The following RFX3 variants were observed in gnomAD, a reference collection of about 807,000 sequenced individuals.
RFX3 encodes the protein regulatory factor X3, also known as transcription factor RFX3.
A neutral mutation model predicts 98.6 loss-of-function variants in RFX3; 14 were observed. The observed-to-expected ratio is 0.14, with a 90% CI of 0.09 to 0.22. The LOEUF (loss-of-function observed/expected upper bound fraction) is 0.22. RFX3 is among the 10% of genes least tolerant of loss of function. The pLI is 1.00. For synonymous variants in RFX3, 383 were observed against 328.4 expected (o/e 1.17, Z -1.80); for missense variants, 639 against 926.9 (o/e 0.69, Z 4.03).
chr9:3,505,453 A>AATAAAATACTTTATATTT (rs1816984226), intron 1 of RFX3, among the ~76,000 whole-genome samples: 1 of 100,356 alleles, frequency 1.0e-5, no homozygotes, highest in African/African-American at 4.0e-5. Context: ...ATTTATATAA[A>AATAAAATACTTTATATTT]ATATAAAATA....
intron 1 of RFX3, among the ~76,000 whole-genome samples, chr9:3,493,517 T>C (rs1028041005): frequency 2.0e-5 from 3 of 151,650 alleles, no homozygotes; most frequent in African/African-American, 7.3e-5. Context: ...ACCCCATCTC[T>C]ACTAAAAATA....
chr9:3,440,791 A>G (rs1845545175), intron 1 of RFX3, among the ~76,000 whole-genome samples: 1 of 152,194 alleles, frequency 6.6e-6, no homozygotes, highest in African/African-American at 2.4e-5. Flanking sequence ...CCTTTGATAA[A>G]GAAAAAGTAA....
intron 15 of RFX3, among the ~76,000 whole-genome samples, chr9:3,245,812 T>C (rs1481142962): frequency 1.3e-5 from 2 of 152,174 alleles, no homozygotes; most frequent in Admixed American, 1.3e-4. Context: ...GTGATTTGTA[T>C]GGATTTCAAT....
chr9:3,326,087 T>C (rs905235894), intron 4 of RFX3, among the ~76,000 whole-genome samples: 4 of 152,056 alleles, frequency 2.6e-5, no homozygotes, highest in African/African-American at 9.7e-5. Context: ...TTTCTGAAAA[T>C]TGCTATTTAA....
At chr9:3,472,881 T>C (rs1047886722) in intron 1 of RFX3, among the ~76,000 whole-genome samples, 1 of 152,228 alleles carries the variant, frequency 6.6e-6, no homozygotes, top group South Asian at 2.1e-4. Flanking sequence ...TTTCTATTAA[T>C]GTTGCACAGC....
chr9:3,504,930 T>C (rs1399851137), intron 1 of RFX3, among the ~76,000 whole-genome samples: 1 of 69,494 alleles, frequency 1.4e-5, no homozygotes, highest in Non-Finnish European at 2.3e-5. Flanking sequence ...ACATATATTA[T>C]ATATAATATA....
rs536694127 is a variant in RFX3, at chr9:3,224,357, A to G, written c.*685T>C. On this transcript the variant is annotated 3_prime_UTR_variant, in exon 17 of 17. Transcript: ENST00000617270. Reference sequence around the variant, plus strand: ...GAAGCTTGCATTGTTAACATGGTTTAATAATTATGTACACAAATTATGTAC... The same window carrying G: ...GAAGCTTGCATTGTTAACATGGTTTGATAATTATGTACACAAATTATGTAC... The G allele has an allele frequency of 6.6e-6, 1 of 152,312 alleles. No homozygotes were observed. The highest frequency in any genetic ancestry group is 1.9e-4 in the East Asian group (1 of 5,182). The allele number at this position is 152,312 out of a possible 1,614,324, so 9.4% of individuals were successfully genotyped here.
intron 1 of RFX3, among the ~76,000 whole-genome samples, chr9:3,401,361 A>T (rs1564052276): frequency 6.6e-6 from 1 of 152,186 alleles, no homozygotes; most frequent in Non-Finnish European, 1.5e-5. Context: ...GGATCATCAC[A>T]TGAGAGCAGT....
chr9:3,368,590 G>A (rs1563997423), intron 2 of RFX3, among the ~76,000 whole-genome samples: 3 of 152,130 alleles, frequency 2.0e-5, no homozygotes. Context: ...TTCCTTAACT[G>A]ATTTTCTTTG....
intron 1 of RFX3, among the ~76,000 whole-genome samples, chr9:3,446,475 CAAG>C (rs757451458): frequency 1.4e-4 from 21 of 152,020 alleles, no homozygotes; most frequent in Admixed American, 3.3e-4. Flanking sequence ...GATGACTTGT[CAAG>C]AAGAAGAAAG....
At chr9:3,414,266 G>A (rs1464314069) in intron 1 of RFX3, among the ~76,000 whole-genome samples, 3 of 151,988 alleles carry the variant, frequency 2.0e-5, no homozygotes, top group Non-Finnish European at 4.4e-5. Context: ...AATGTTTTCT[G>A]TATTTCCAAG....
intron 13 of RFX3, 138 bp from the exon 14 acceptor site, chr9:3,257,337 A>T: frequency 4.4e-6 from 3 of 688,466 alleles, no homozygotes; most frequent in Non-Finnish European, 7.2e-6. Flanking sequence ...AAAATAAAAA[A>T]CTACTTGTCA....
intron 1 of RFX3, among the ~76,000 whole-genome samples, chr9:3,495,392 G>A (rs1350940621): frequency 6.6e-6 from 1 of 151,808 alleles, no homozygotes; most frequent in Non-Finnish European, 1.5e-5. Context: ...AAATACATCA[G>A]AATTACATAT....
rs1347596094 is a variant in RFX3, at chr9:3,248,310, C to T, written c.1815-125G>A. 12 of 1,192,200 alleles carry T rather than the reference C, an allele frequency of 1.0e-5. No individual in the cohort carries two copies. In the Admixed American group the frequency reaches 3.1e-4, roughly 31 times the overall value. The allele number at this position is 1,192,200 out of a possible 1,614,324, so 73.9% of individuals were successfully genotyped here. ...TATGGTTGGTATAGTATAAAACCTGCCATGAAAGCATTTCATTATTGAACG... is the reference window on the plus strand; with the variant it reads ...TATGGTTGGTATAGTATAAAACCTGTCATGAAAGCATTTCATTATTGAACG... On this transcript the variant is annotated intron_variant, in intron 14 of 16. Transcript: ENST00000617270.
chr9:3,342,086 A>C (rs1211143358), intron 3 of RFX3, among the ~76,000 whole-genome samples: 2 of 152,224 alleles, frequency 1.3e-5, no homozygotes, highest in South Asian at 2.1e-4. Context: ...TCAAAAATGC[A>C]TTAATACATG....
chr9:3,504,894 C>T lies in RFX3; in HGVS notation c.-9+20853G>A, dbSNP rs1456635740. ...ATTATATATATTATATATAATATAA[C>T]ATATATTATATATATATATAATATA... On this transcript the variant is annotated intron_variant, in intron 1 of 16. Transcript: ENST00000617270. Among the ~76,000 whole-genome samples the T allele has an allele frequency of 4.6e-3, 83 of 18,196 alleles. 1 individual carries two copies. Among genetic ancestry groups the T allele is most frequent in the East Asian group, 9.4e-3 (3 of 320 alleles). 11.9% of individuals were successfully genotyped at this position (18,196 alleles called of 152,430 possible). A position where few individuals can be genotyped will look rare whatever the true frequency, so the allele number is the denominator to read the frequency against.
chr9:3,291,836 G>A (rs1235832290), intron 6 of RFX3, among the ~76,000 whole-genome samples: 1 of 151,724 alleles, frequency 6.6e-6, no homozygotes, highest in Non-Finnish European at 1.5e-5. Flanking sequence ...GCCGAGGCAG[G>A]TGGATCACAA....
At chr9:3,363,743 A>C (rs1032090718) in intron 2 of RFX3, among the ~76,000 whole-genome samples, 1 of 152,244 alleles carries the variant, frequency 6.6e-6, no homozygotes, top group African/African-American at 2.4e-5. Flanking sequence ...GTCAGCTGGC[A>C]GTGATTCCAG....
chr9:3,333,841 T>C (rs969097260), intron 3 of RFX3, among the ~76,000 whole-genome samples: 1 of 152,144 alleles, frequency 6.6e-6, no homozygotes, highest in Non-Finnish European at 1.5e-5. Flanking sequence ...TAAAACATAA[T>C]AATAGCTAAA....
Sources: gnomAD v4.1 joint callset for allele counts (sites outside exome capture counted in the v4.1 genomes callset) on GRCh38, gnomAD v4.1.1 for gene constraint, MANE v1.5 for transcripts, NCBI Gene and HGNC (gene_info 2026-07-23, HGNC 2026-07-21) for gene names.